Variants in TENM3 observed in about 807,000 individuals in gnomAD.
TENM3 encodes teneurin transmembrane protein 3, also known as teneurin-3.
In TENM3, 63 loss-of-function variants were observed where a neutral mutation model predicts 255.1. The observed-to-expected ratio is 0.25, with a 90% confidence interval of 0.20 to 0.30. TENM3 has a LOEUF of 0.30. Ranked by LOEUF, TENM3 falls within the 10% of genes least tolerant of loss-of-function variation. The pLI, the probability that TENM3 is intolerant of heterozygous loss-of-function variation, is 1.00. For synonymous variants in TENM3, 1,306 were observed against 1,322.3 expected, an observed-to-expected ratio of 0.99 and a Z score of 0.27; for missense variants, 2,929 against 3,461.1, an observed-to-expected ratio of 0.85 and a Z score of 3.86.
chr4:181,742,285 GA>G, the TENM3 span, among the ~76,000 whole-genome samples: 1 of 151,762 alleles, frequency 6.6e-6, no homozygotes, highest in African/African-American at 2.4e-5. Flanking sequence ...TACATGGTTA[GA>G]AAAAAAATAC....
chr4:182,366,085 T>C (rs6852463), intron 3 of TENM3, among the ~76,000 whole-genome samples: 151,762 of 152,292 alleles, frequency 1, 75,617 homozygotes, highest in Middle Eastern at 1. Flanking sequence ...TAGATAATTA[T>C]GGACATGGAT....
chr4:182,612,873 GT>G (rs1371136770), intron 4 of TENM3, among the ~76,000 whole-genome samples: 2 of 152,120 alleles, frequency 1.3e-5, no homozygotes, highest in Non-Finnish European at 2.9e-5. Flanking sequence ...TGAACTGATT[GT>G]TTTCTGCCTT....
intron 1 of TENM3, among the ~76,000 whole-genome samples, chr4:182,172,365 T>C (rs962990120): frequency 3.3e-5 from 5 of 152,156 alleles, no homozygotes; most frequent in Non-Finnish European, 7.4e-5. Flanking sequence ...TACAAAACAG[T>C]ATCTAATTCG....
the TENM3 span, among the ~76,000 whole-genome samples, chr4:181,691,680 T>C: frequency 0.025 from 3,772 of 152,236 alleles, 143 homozygotes; most frequent in African/African-American, 0.086. Context: ...GTGACCATTA[T>C]ACAATGTGAT....
chr4:182,030,908 G>A, the TENM3 span, among the ~76,000 whole-genome samples: 1 of 151,920 alleles, frequency 6.6e-6, no homozygotes, highest in African/African-American at 2.4e-5. Context: ...GGGTTGTTTG[G>A]TTTTTCTTGT....
At chr4:182,423,242 A>C (rs1042735188) in intron 3 of TENM3, among the ~76,000 whole-genome samples, 1 of 152,130 alleles carries the variant, frequency 6.6e-6, no homozygotes, top group African/African-American at 2.4e-5. Context: ...CAGGTTGTGT[A>C]AAGTATTTTG....
chr4:182,471,822 C>T (rs1733153091), intron 3 of TENM3, among the ~76,000 whole-genome samples: 1 of 152,090 alleles, frequency 6.6e-6, no homozygotes, highest in Non-Finnish European at 1.5e-5. Context: ...CACCTGTTTT[C>T]TTAAAAATTG....
At chr4:182,512,331 A>G (rs1737487483) in intron 3 of TENM3, among the ~76,000 whole-genome samples, 1 of 152,200 alleles carries the variant, frequency 6.6e-6, no homozygotes, top group Admixed American at 6.5e-5. Flanking sequence ...GTAGAAGATG[A>G]CAGAGTCACC....
chr4:182,434,673 C>T (rs1240658559), intron 3 of TENM3, among the ~76,000 whole-genome samples: 1 of 151,712 alleles, frequency 6.6e-6, no homozygotes, highest in Non-Finnish European at 1.5e-5. Flanking sequence ...TATTGGTATA[C>T]TTTATTTTTA....
chr4:182,216,569 A>T (rs188245226), intron 1 of TENM3, among the ~76,000 whole-genome samples: 12 of 152,236 alleles, frequency 7.9e-5, no homozygotes, highest in African/African-American at 2.7e-4. Context: ...CCTGAATAGG[A>T]AAAATAAAGG....
chr4:182,099,465 C>T, the TENM3 span, among the ~76,000 whole-genome samples: 1 of 152,182 alleles, frequency 6.6e-6, no homozygotes, highest in Non-Finnish European at 1.5e-5. Flanking sequence ...GCCACACCAT[C>T]TGTCCTTACA....
At chr4:182,498,232 C>T (rs189704127) in intron 3 of TENM3, among the ~76,000 whole-genome samples, 2 of 152,160 alleles carry the variant, frequency 1.3e-5, no homozygotes, top group East Asian at 1.9e-4. Context: ...AAGGCTGACT[C>T]GTAATTTCTT....
the TENM3 span, among the ~76,000 whole-genome samples, chr4:181,871,338 A>C: frequency 6.6e-6 from 1 of 152,244 alleles, no homozygotes; most frequent in South Asian, 2.1e-4. Context: ...AATTTGAAGA[A>C]AAATGGCTAT....
the TENM3 span, among the ~76,000 whole-genome samples, chr4:181,673,913 C>T: frequency 2.0e-5 from 3 of 150,534 alleles, no homozygotes; most frequent in East Asian, 3.9e-4. Context: ...GGCAAAGAGG[C>T]CATGACATTA....
At chr4:181,604,049 C>T in the TENM3 span, among the ~76,000 whole-genome samples, 9 of 152,008 alleles carry the variant, frequency 5.9e-5, no homozygotes, top group Non-Finnish European at 1.3e-4. Context: ...TGGATCACGA[C>T]GTCAAGACAT....
intron 1 of TENM3, among the ~76,000 whole-genome samples, chr4:182,197,660 G>A (rs537157478): frequency 5.9e-5 from 9 of 152,318 alleles, no homozygotes; most frequent in African/African-American, 1.9e-4. Context: ...CATATAAATG[G>A]TTTAAATAGT....
the TENM3 span, among the ~76,000 whole-genome samples, chr4:181,466,141 G>T: frequency 7.2e-6 from 1 of 139,756 alleles, no homozygotes. Flanking sequence ...TTTTGAGACG[G>T]AGTTTCTCTC....
At position 182,319,299 on chromosome 4, in the gene TENM3, C is replaced by T. The variant is rs144794150; in HGVS notation, c.-75-4647C>T. Among the ~76,000 whole-genome samples, 12 of 152,302 alleles carry T rather than the reference C, an allele frequency of 7.9e-5. No homozygotes were observed. In the East Asian group the frequency reaches 2.3e-3, roughly 29 times the overall value. ...CTTAAGCTGCATTTCTTAACCTTCTCGTCTTCAGCCTTGAGTGGAAGAGAT... is the reference window on the plus strand; with the variant it reads ...CTTAAGCTGCATTTCTTAACCTTCTTGTCTTCAGCCTTGAGTGGAAGAGAT... On this transcript the variant is annotated intron_variant, in intron 1 of 27. Transcript: ENST00000511685.
the TENM3 span, among the ~76,000 whole-genome samples, chr4:181,825,543 C>T: frequency 6.6e-6 from 1 of 151,728 alleles, no homozygotes; most frequent in African/African-American, 2.4e-5. Context: ...GGAAGGTATT[C>T]CAAATTGTAG....
Sources: allele counts gnomAD v4.1 joint callset (sites outside exome capture counted in the v4.1 genomes callset), GRCh38; gene constraint gnomAD v4.1.1; transcripts MANE v1.5; gene names NCBI Gene and HGNC (gene_info 2026-07-23, HGNC 2026-07-21).